Variants in MAPT observed in about 807,000 individuals in gnomAD.
The protein encoded by MAPT is microtubule associated protein tau, also known as microtubule-associated protein tau.
A neutral mutation model predicts 67.9 loss-of-function variants in MAPT; 34 were observed. The observed-to-expected ratio is 0.50, with a 90% CI of 0.38 to 0.67. The LOEUF (loss-of-function observed/expected upper bound fraction) is 0.67, where lower values mean the gene tolerates loss of function less well. MAPT is among the 30% of genes least tolerant of loss of function. The pLI, the probability that MAPT is intolerant of heterozygous loss-of-function variation, is 0.00. For synonymous variants in MAPT, 456 were observed against 464.5 expected (o/e 0.98, Z 0.23); for missense variants, 881 against 1,115.2 (o/e 0.79, Z 2.99).
At chr17:46,000,192 C>T (rs1021302736) in intron 9 of MAPT, among the ~76,000 whole-genome samples, 2 of 152,242 alleles carry the variant, frequency 1.3e-5, no homozygotes, top group Admixed American at 6.5e-5. Context: ...AGCCAAGTCA[C>T]GTTTGGGAAC....
rs754318391 is a variant in MAPT, at chr17:45,991,594, G to C, written c.1732+8G>C. ...AGACACCACCCAGCTCTGGTAAGAA[G>C]AACGTTCTCTTGAATCTTAGAGGAA... is the stretch of plus-strand genomic sequence containing the variant. On this transcript the variant is annotated splice_region_variant and intron_variant, in intron 8 of 12. Transcript: ENST00000262410. The C allele has an allele frequency of 9.9e-6, 16 of 1,614,084 alleles. No homozygotes were observed. The South Asian group carries it at 1.4e-4, about 14-fold the overall frequency.
intron 5 of MAPT, among the ~76,000 whole-genome samples, chr17:45,985,175 G>T (rs1010014798): frequency 1.3e-5 from 2 of 151,992 alleles, no homozygotes; most frequent in Non-Finnish European, 2.9e-5. Flanking sequence ...CGTGGTGGCG[G>T]GCACCTGTAG....
At chr17:45,991,114 T>A (rs77290642) in intron 7 of MAPT, among the ~76,000 whole-genome samples, 2 of 152,160 alleles carry the variant, frequency 1.3e-5, no homozygotes, top group African/African-American at 4.8e-5. Flanking sequence ...TCTGCATATG[T>A]GTAGTGCACT....
chr17:45,914,967 T>C (rs1034802049), intron 1 of MAPT, among the ~76,000 whole-genome samples: 2 of 152,090 alleles, frequency 1.3e-5, no homozygotes, highest in African/African-American at 4.8e-5. Context: ...TCCTCCTGCC[T>C]CAGCCTCCCA....
chr17:45,933,014 G>A (rs1293631301), intron 1 of MAPT, among the ~76,000 whole-genome samples: 2 of 152,154 alleles, frequency 1.3e-5, no homozygotes, highest in Non-Finnish European at 2.9e-5. Context: ...CCCAGGAGGC[G>A]GAGATTGCAG....
chr17:45,945,218 T>C (rs1175664539), intron 1 of MAPT, among the ~76,000 whole-genome samples: 1 of 152,200 alleles, frequency 6.6e-6, no homozygotes, highest in Non-Finnish European at 1.5e-5. Context: ...CTGAACATCA[T>C]GTGTAAAACG....
At position 46,018,839 on chromosome 17, in the gene MAPT, G is replaced by C. The variant is rs141893234; in HGVS notation, c.2286+109G>C. The C allele has an allele frequency of 2.9e-3, 2,359 of 805,906 alleles. 29 individuals are homozygous for C. In the African/African-American group the frequency reaches 0.035, roughly 12 times the overall value. The allele number at this position is 805,906 out of a possible 1,614,324, so 49.9% of individuals were successfully genotyped here. A position where few individuals can be genotyped will look rare whatever the true frequency, so the allele number is the denominator to read the frequency against. ...CCAGAGGAGGAAAACAGAGGCTTCT[G>C]TGTTGACTGGCTGGATGTGGGCCCT... is the stretch of plus-strand genomic sequence containing the variant. On this transcript the variant is annotated intron_variant, in intron 12 of 12. Coordinates refer to ENST00000262410, the MANE Select transcript of MAPT (RefSeq NM_001377265.1).
At position 46,024,474 on chromosome 17, in the gene MAPT, C is replaced by T. The variant is rs967804836; in HGVS notation, c.*303C>T. 3 of 481,644 alleles carry T rather than the reference C, an allele frequency of 6.2e-6. No homozygotes were observed. The highest frequency in any genetic ancestry group is 5.8e-5 in the African/African-American group (3 of 51,430). 29.8% of individuals were successfully genotyped at this position (481,644 alleles called of 1,614,324 possible). ...TTTCCTCAGGCAATTCCTTTTGATT[C>T]TTTTTTCTTCCCCCTCCATGTAGAA... On this transcript the variant is annotated 3_prime_UTR_variant, in exon 13 of 13. Coordinates refer to ENST00000262410, the MANE Select transcript of MAPT (RefSeq NM_001377265.1).
chr17:45,919,917 C>CAAAT (rs952517267), intron 1 of MAPT, among the ~76,000 whole-genome samples: 26 of 152,022 alleles, frequency 1.7e-4, no homozygotes, highest in Non-Finnish European at 3.1e-4. Flanking sequence ...TGTCTCAAAA[C>CAAAT]AAACAAACAA....
chr17:45,992,954 C>T (rs1032866299), intron 8 of MAPT, among the ~76,000 whole-genome samples: 3 of 152,010 alleles, frequency 2.0e-5, no homozygotes, highest in African/African-American at 2.4e-5. Context: ...CCTGCCTGCC[C>T]GAGCACTTCT....
Position 45,983,660 on chromosome 17 carries a change from G to A in MAPT, c.1081G>A (p.Gly361Arg), listed in dbSNP as rs749739178. Residue 361 changes from glycine (G) to arginine (R), a missense_variant, in exon 5 of 13, where the codon GGG (glycine) becomes AGG (arginine). By Grantham distance (125) the Gly-to-Arg change is moderately radical (BLOSUM62 -2). Transcript: ENST00000262410. ...STEIPASEPD[G>R]PSVGRAKGQD... ...AGAGATCCCAGCCTCAGAGCCCGAC[G>A]GGCCCAGTGTAGGGCGGGCCAAAGG... is the stretch of plus-strand genomic sequence containing the variant. 8 of 1,613,878 alleles carry A rather than the reference G, an allele frequency of 5.0e-6. No individual in the cohort carries two copies. The East Asian group carries it at 1.1e-4, about 22-fold the overall frequency.
chr17:45,928,995 G>T (rs765495737), intron 1 of MAPT, among the ~76,000 whole-genome samples: 1 of 152,070 alleles, frequency 6.6e-6, no homozygotes, highest in Non-Finnish European at 1.5e-5. Context: ...CACTGCACCC[G>T]GCCATCAGTG....
intron 11 of MAPT, among the ~76,000 whole-genome samples, chr17:46,014,899 T>G (rs2076069949): frequency 7.6e-6 from 1 of 130,890 alleles, no homozygotes; most frequent in Admixed American, 7.8e-5. Flanking sequence ...AAAAAGCACA[T>G]GTTCTCGCTT....
chr17:46,010,316 ATAAT>A lies in MAPT; in HGVS notation c.2010_2013del (p.Asn671ArgfsTer29). ...TTTTTTCTGGCTACCAAAGGTGCAGATAATTAATAAGAAGCTGGATCTTAGCAAC... is the reference window on the plus strand; with the variant it reads ...TTTTTTCTGGCTACCAAAGGTGCAGATAATAAGAAGCTGGATCTTAGCAAC... On this transcript the variant is annotated frameshift_variant, in exon 10 of 13. Transcript: ENST00000262410. LOFTEE classifies it high-confidence loss of function. The surrounding 1 kb of genome is among the most constrained non-coding windows in gnomAD (Gnocchi z 4.7). The A allele has an allele frequency of 1.3e-6, 2 of 1,568,644 alleles. No homozygotes were observed. The highest frequency in any genetic ancestry group is 8.7e-7 in the Non-Finnish European group (1 of 1,155,360).
chr17:45,930,233 C>G (rs1169178477), intron 1 of MAPT, among the ~76,000 whole-genome samples: 1 of 152,016 alleles, frequency 6.6e-6, no homozygotes, highest in Non-Finnish European at 1.5e-5. Context: ...AACCTTGTCT[C>G]TACAAAAACA....
intron 11 of MAPT, among the ~76,000 whole-genome samples, chr17:46,014,723 A>G (rs2076044625): frequency 6.6e-6 from 1 of 151,974 alleles, no homozygotes; most frequent in African/African-American, 2.4e-5. Context: ...AAATACAAAA[A>G]ATTAGCCGGG....
intron 9 of MAPT, among the ~76,000 whole-genome samples, chr17:46,000,647 GT>G (rs1568312190): frequency 6.6e-6 from 1 of 152,206 alleles, no homozygotes; most frequent in Non-Finnish European, 1.5e-5. Context: ...GGTGACTCTA[GT>G]GTGCAGCCTG....
In MAPT at chr17:45,983,785, T is replaced by TCCAGGGGCCCCTGGAGAGGGG. The variant is rs2073249868; in HGVS notation, c.1211_1231dup (p.Gly404_Pro410dup). ...AGGAGCATTTGGGAAGGGCTGCATT[T>TCCAGGGGCCCCTGGAGAGGGG]CCAGGGGCCCCTGGAGAGGGGCCAG... On this transcript the variant is annotated inframe_insertion, in exon 5 of 13. Transcript: ENST00000262410. 6.2e-7 allele frequency: 1 copy of TCCAGGGGCCCCTGGAGAGGGG among 1,613,828 alleles called. No individual in the cohort carries two copies. The highest frequency in any genetic ancestry group is 8.5e-7 in the Non-Finnish European group (1 of 1,179,972).
chr17:45,978,541 A>G, intron 4 of MAPT, 101 bp downstream of exon 4: 1 of 942,008 alleles, frequency 1.1e-6, no homozygotes, highest in Non-Finnish European at 1.7e-6. Context: ...GCTCTAATTC[A>G]CAAGTCCAGG....
Sources: allele counts gnomAD v4.1 joint callset (sites outside exome capture counted in the v4.1 genomes callset), GRCh38; gene constraint gnomAD v4.1.1; non-coding constraint Gnocchi (gnomAD v3.1); transcripts MANE v1.5; gene names NCBI Gene and HGNC (gene_info 2026-07-23, HGNC 2026-07-21).